ALG5: variants seen among roughly 807,000 people sequenced by gnomAD.
ALG5 encodes ALG5 dolichyl-phosphate beta-glucosyltransferase.
In ALG5, 26 loss-of-function variants were observed where a neutral mutation model predicts 51.8. The observed-to-expected ratio is 0.50, with a 90% CI of 0.37 to 0.70. The LOEUF (loss-of-function observed/expected upper bound fraction) is 0.70, where lower values mean the gene tolerates loss of function less well. ALG5 is among the 30% of genes least tolerant of loss of function. The pLI is 0.00. For missense variants in ALG5, 311 were observed against 399.3 expected, an observed-to-expected ratio of 0.78 and a Z score of 1.88; for synonymous variants, 141 against 136.1, an observed-to-expected ratio of 1.04 and a Z score of -0.25.
intron 4 of ALG5, among the ~76,000 whole-genome samples, chr13:36,991,273 T>C (rs2059024252): frequency 6.6e-6 from 1 of 152,046 alleles, no homozygotes; most frequent in Non-Finnish European, 1.5e-5. Flanking sequence ...CTAGCCTCCA[T>C]GCCCATCCCC....
chr13:36,996,928 A>C (rs1760765178), intron 1 of ALG5, among the ~76,000 whole-genome samples: 1 of 152,194 alleles, frequency 6.6e-6, no homozygotes, highest in Admixed American at 6.5e-5. Flanking sequence ...TTGAAACCAC[A>C]GATCCATCTT....
At position 36,998,880 on chromosome 13, in the gene ALG5, G is replaced by C. The variant is rs547195348; in HGVS notation, c.66+355C>G. 535 of 218,758 alleles carry C rather than the reference G, an allele frequency of 2.4e-3. 4 individuals carry two copies. Among genetic ancestry groups the C allele is most frequent in the Middle Eastern group, 5.6e-3 (4 of 708 alleles). The allele number at this position is 218,758 out of a possible 1,614,324, so 13.6% of individuals were successfully genotyped here. A position where few individuals can be genotyped will look rare whatever the true frequency, so the allele number is the denominator to read the frequency against. Reference sequence around the variant, plus strand: ...TGGGTGGAGCAGAACTGCAGCGGCTGCAGGTCCCGGAGAGTCTGGGAGAGG... The same window carrying C: ...TGGGTGGAGCAGAACTGCAGCGGCTCCAGGTCCCGGAGAGTCTGGGAGAGG... On this transcript the variant is annotated intron_variant, in intron 1 of 9. Transcript: ENST00000239891.
chr13:36,970,159 A>C (rs2058915533), intron 7 of ALG5, among the ~76,000 whole-genome samples: 1 of 151,926 alleles, frequency 6.6e-6, no homozygotes. Flanking sequence ...GCGTTGTTAA[A>C]CTGATGAAGC....
chr13:36,950,169 T>G, intron 9 of ALG5, 112 bp from the exon 10 acceptor site: 3 of 572,918 alleles, frequency 5.2e-6, no homozygotes, highest in Middle Eastern at 3.8e-4. Context: ...CCTTAATTTT[T>G]TAAATCATGG....
At chr13:36,974,173 G>A (rs1209696821) in intron 6 of ALG5, among the ~76,000 whole-genome samples, 1 of 151,924 alleles carries the variant, frequency 6.6e-6, no homozygotes, top group Non-Finnish European at 1.5e-5. Context: ...AGAGAACACT[G>A]TATAGTACCA....
rs1397830726 is a variant in ALG5 at position 36,986,201 on chromosome 13, TTTA to T, written c.448-464_448-462del. On this transcript the variant is annotated intron_variant, in intron 5 of 9. Transcript: ENST00000239891. ...TGAAATGCACAGGTCTTTAGTATCA[TTTA>T]TTATAGGATCTAAAGTTTACTAAAT... is the stretch of plus-strand genomic sequence containing the variant. 2.0e-5 allele frequency among the ~76,000 whole-genome samples: 3 copies of T among 152,336 alleles called. No individual in the cohort carries two copies. In the East Asian group the frequency reaches 5.8e-4, roughly 29 times the overall value.
intron 7 of ALG5, among the ~76,000 whole-genome samples, chr13:36,966,537 A>T (rs1022801372): frequency 6.6e-6 from 1 of 152,170 alleles, no homozygotes; most frequent in South Asian, 2.1e-4. Context: ...AGAGACAGAG[A>T]CGCCTTCTGT....
chr13:36,984,469 TTTCA>T (rs2058993259), intron 6 of ALG5, among the ~76,000 whole-genome samples: 1 of 152,194 alleles, frequency 6.6e-6, no homozygotes, highest in South Asian at 2.1e-4. Context: ...AAATTCTTAT[TTTCA>T]TTGTTTTATT....
chr13:36,993,689 T>A lies in ALG5; in HGVS notation c.286-17A>T. 1 of 1,608,152 alleles carries A rather than the reference T, an allele frequency of 6.2e-7. No homozygotes were observed. The highest frequency in any genetic ancestry group is 8.5e-7 in the Non-Finnish European group (1 of 1,176,024). The stretch of plus-strand genomic sequence containing the variant: ...ATCTCGTTTCTGCAAGAAACAAAAA[T>A]AAAGTAATACAATTTGGCATAACTG... On this transcript the variant is annotated splice_polypyrimidine_tract_variant and intron_variant, in intron 3 of 9. Transcript: ENST00000239891.
chr13:36,954,667 T>C (rs1335480583), intron 8 of ALG5, among the ~76,000 whole-genome samples: 1 of 152,178 alleles, frequency 6.6e-6, no homozygotes, highest in Admixed American at 6.5e-5. Context: ...GGGGAAACAG[T>C]ATAAGGGTTA....
At chr13:36,974,349 A>T (rs1200167986) in intron 6 of ALG5, among the ~76,000 whole-genome samples, 31 of 152,352 alleles carry the variant, frequency 2.0e-4, no homozygotes, top group African/African-American at 7.5e-4. Flanking sequence ...ACAAAAATAA[A>T]TTTAAAAGTG....
chr13:36,977,855 G>A (rs1593674506), intron 6 of ALG5, among the ~76,000 whole-genome samples: 1 of 127,222 alleles, frequency 7.9e-6, no homozygotes. Context: ...TTATCTTCTA[G>A]CAAGAAATGC....
At position 36,965,854 on chromosome 13, in the gene ALG5, T is replaced by C. The variant is rs1029611815; in HGVS notation, c.622-128A>G. On this transcript the variant is annotated intron_variant, in intron 7 of 9. Transcript: ENST00000239891. ...GGTAGATCTTACATAAGAACACCAC[T>C]GTTCCATGAGCTTCACCAACAAAGT... is the stretch of plus-strand genomic sequence containing the variant. 7 of 746,494 alleles carry C rather than the reference T, an allele frequency of 9.4e-6. No homozygotes were observed. In the African/African-American group the frequency reaches 1.1e-4, roughly 11 times the overall value. 46.2% of individuals were successfully genotyped at this position (746,494 alleles called of 1,614,324 possible).
intron 3 of ALG5, among the ~76,000 whole-genome samples, chr13:36,994,752 AGGAG>A (rs1217029353): frequency 6.6e-6 from 1 of 151,972 alleles, no homozygotes; most frequent in African/African-American, 2.4e-5. Context: ...TAAAATGGGT[AGGAG>A]GGTACAGAAA....
chr13:36,999,213 G>A (rs1486750191), intron 1 of ALG5, 22 bp downstream of exon 1: 1 of 1,555,004 alleles, frequency 6.4e-7, no homozygotes, highest in South Asian at 1.2e-5. Context: ...CGGCCTGCGC[G>A]GGTTCCCATC....
intron 1 of ALG5, 101 bp downstream of exon 1, chr13:36,999,134 C>T: frequency 8.8e-7 from 1 of 1,139,910 alleles, no homozygotes. Flanking sequence ...AAAGGGACTT[C>T]TCCGAGAACT....
At chr13:36,975,369 AC>A (rs2058945758) in intron 6 of ALG5, among the ~76,000 whole-genome samples, 1 of 152,066 alleles carries the variant, frequency 6.6e-6, no homozygotes, top group South Asian at 2.1e-4. Context: ...TGCTGATTGC[AC>A]CCCCATGGTG....
In ALG5 at chr13:36,985,649, A is replaced by G; in HGVS notation, c.539T>C (p.Leu180Pro). Reference protein sequence around the residue: ...FPDVEKLEKGLNDLQPWPNQM... With the variant: ...FPDVEKLEKGPNDLQPWPNQM... ...CACAGGCCAAGGCTGTAGATCATTT[A>G]GCCCCTTTTCTAATTTCTCAACATC... The change falls in exon 6 of 10, where the codon CTA becomes CCA. Residue 180 changes from leucine to proline, a missense_variant. Transcript: ENST00000239891. 6.2e-7 allele frequency: 1 copy of G among 1,613,548 alleles called. No individual in the cohort carries two copies. Among genetic ancestry groups the G allele is most frequent in the African/African-American group, 1.3e-5 (1 of 75,040 alleles).
chr13:36,953,559 G>T (rs2058827214), intron 8 of ALG5, among the ~76,000 whole-genome samples: 1 of 152,180 alleles, frequency 6.6e-6, no homozygotes, highest in Non-Finnish European at 1.5e-5. Context: ...CCATGAGTCA[G>T]TCCCCACTTT....
Sources: allele counts gnomAD v4.1 joint callset (sites outside exome capture counted in the v4.1 genomes callset), GRCh38; gene constraint gnomAD v4.1.1; transcripts MANE v1.5; gene names NCBI Gene and HGNC (gene_info 2026-07-23, HGNC 2026-07-21).